Variants in ITGA6 observed in about 807,000 individuals in gnomAD.
ITGA6 encodes integrin subunit alpha 6.
A neutral mutation model predicts 133.6 loss-of-function variants in ITGA6; 63 were observed. That is an observed-to-expected ratio of 0.47 (90% CI 0.38 to 0.58). ITGA6 has a LOEUF of 0.58. Among genes scored for constraint, ITGA6 ranks in the 20% least tolerant of loss-of-function variants. The probability of loss-of-function intolerance (pLI) is 0.00; values close to 1 mark genes in which losing one functional copy is unlikely to be tolerated. For synonymous variants in ITGA6, 434 were observed against 482.0 expected, an observed-to-expected ratio of 0.90 and a Z score of 1.30; for missense variants, 1,068 against 1,309.4, an observed-to-expected ratio of 0.82 and a Z score of 2.85.
chr2:172,427,809 G>A lies in ITGA6; in HGVS notation c.21G>A (p.Leu7=). The change falls in exon 1 of 26, where the codon CTG becomes CTA. Residue 7 remains leucine (L), a synonymous_variant. Coordinates refer to ENST00000684293, the MANE Select transcript of ITGA6 (RefSeq NM_000210.4). The stretch of plus-strand genomic sequence containing the variant: ...CGCCCATGGCCGCCGCCGGGCAGCT[G>A]TGCTTGCTCTACCTGTCGGCGGGGC... The part of the protein sequence containing the change: MAAAGQ[L]CLLYLSAGLL... 1 of 1,601,176 alleles carries A rather than the reference G, an allele frequency of 6.2e-7. No homozygotes were observed. The highest frequency in any genetic ancestry group is 1.7e-4 in the Middle Eastern group (1 of 6,036).
chr2:172,453,352 C>T (rs1301260577), intron 1 of ITGA6, among the ~76,000 whole-genome samples: 1 of 151,986 alleles, frequency 6.6e-6, no homozygotes, highest in Non-Finnish European at 1.5e-5. Context: ...CACTGTAGAA[C>T]CCCGTCTCTA....
chr2:172,489,755 T>A, intron 20 of ITGA6, 97 bp downstream of exon 20: 1 of 1,112,860 alleles, frequency 9.0e-7, no homozygotes, highest in Non-Finnish European at 1.3e-6. Context: ...AAGTGGCATA[T>A]TCTGGCAGGT....
At chr2:172,499,539 T>G (rs570045918) in intron 24 of ITGA6, among the ~76,000 whole-genome samples, 49 of 152,076 alleles carry the variant, frequency 3.2e-4, no homozygotes, top group Middle Eastern at 6.8e-3. Context: ...TTAAATTTTT[T>G]TTCATAAAGG....
intron 4 of ITGA6, 87 bp from the exon 5 acceptor site, chr2:172,470,887 T>C: frequency 1.4e-6 from 2 of 1,396,320 alleles, no homozygotes; most frequent in Non-Finnish European, 2.0e-6. Flanking sequence ...TAACTAGTGA[T>C]AGCATGGGGG....
In ITGA6 at chr2:172,465,650, G is replaced by C. The variant is rs887884775; in HGVS notation, c.294G>C (p.Glu98Asp). The C allele has an allele frequency of 1.2e-6, 2 of 1,614,232 alleles. No individual in the cohort carries two copies. The highest frequency in any genetic ancestry group is 1.7e-6 in the Non-Finnish European group (2 of 1,180,028). Residue 98 changes from glutamate to aspartate, a missense_variant, in exon 2 of 26, where the codon GAG becomes GAC. Physicochemically the swap from Glu to Asp is conservative, Grantham distance 45. Around this residue, in one of 3 missense-constraint regions of ITGA6, gnomAD observed 142 missense variants for 145.3 expected, o/e 0.98. Coordinates refer to ENST00000684293, the MANE Select transcript of ITGA6 (RefSeq NM_000210.4). ...CCCGGGGGCCATGCACGCGGATCGAGTTTGATAACGATGGTGCGTTCCTTT... is the reference window on the plus strand; with the variant it reads ...CCCGGGGGCCATGCACGCGGATCGACTTTGATAACGATGGTGCGTTCCTTT... The part of the protein sequence containing the change: ...ITARGPCTRI[E>D]FDNDADPTSE...
At chr2:172,472,141 G>A (rs1046249011) in intron 5 of ITGA6, among the ~76,000 whole-genome samples, 3 of 152,180 alleles carry the variant, frequency 2.0e-5, no homozygotes, top group Non-Finnish European at 4.4e-5. Context: ...GGCCAATGCA[G>A]CAAAACCCCT....
At chr2:172,435,114 C>G (rs1684263054) in intron 1 of ITGA6, among the ~76,000 whole-genome samples, 1 of 151,644 alleles carries the variant, frequency 6.6e-6, no homozygotes, top group Non-Finnish European at 1.5e-5. Context: ...GTCACTGAAC[C>G]TAAGCCCTCC....
chr2:172,434,303 C>G (rs1247539985), intron 1 of ITGA6, among the ~76,000 whole-genome samples: 1 of 152,178 alleles, frequency 6.6e-6, no homozygotes. Flanking sequence ...TAGCCCTGAA[C>G]TGGGGCAGGT....
rs1685731621 is a variant in ITGA6, at chr2:172,467,520, G to C, written c.347G>C (p.Gly116Ala). The C allele has an allele frequency of 1.2e-6, 2 of 1,613,680 alleles. No homozygotes were observed. Among genetic ancestry groups the C allele is most frequent in the South Asian group, 2.2e-5 (2 of 91,074 alleles). The change falls in exon 3 of 26, where the codon GGG (glycine) becomes GCG (alanine). Residue 116 changes from glycine to alanine, a missense_variant. This residue lies in a region of ITGA6 where 317 missense variants were observed against 456.9 expected (regional missense o/e 0.69). Transcript: ENST00000684293. ...TSESKEDQWM[G>A]VTVQSQGPGG... The stretch of plus-strand genomic sequence containing the variant: ...GAAAGCAAGGAAGATCAGTGGATGG[G>C]GGTCACCGTCCAGAGCCAAGGTCCA...
intron 18 of ITGA6, 21 bp from the exon 19 acceptor site, chr2:172,488,105 T>G: frequency 6.2e-7 from 1 of 1,609,578 alleles, no homozygotes; most frequent in East Asian, 2.2e-5. Context: ...TCATTAAAAC[T>G]GGTGTTTTTT....
Position 172,491,164 on chromosome 2 carries a change from G to A in ITGA6, c.2778+42G>A. The A allele has an allele frequency of 7.2e-7, 1 of 1,398,458 alleles. No individual in the cohort carries two copies. The highest frequency in any genetic ancestry group is 1.0e-6 in the Non-Finnish European group (1 of 983,556). 86.6% of individuals were successfully genotyped at this position (1,398,458 alleles called of 1,614,324 possible). On this transcript the variant is annotated intron_variant, in intron 21 of 25. Coordinates refer to ENST00000684293, the MANE Select transcript of ITGA6 (RefSeq NM_000210.4). The surrounding 1 kb of genome is among the most constrained non-coding windows in gnomAD (Gnocchi z 4.4). ...AGCTGTGAATATTTGAGAGGATGAG[G>A]GGAAGGATTTCTTCAGAACAATGTC...
intron 5 of ITGA6, chr2:172,472,809 C>G: frequency 6.2e-7 from 1 of 1,612,516 alleles, no homozygotes; most frequent in Non-Finnish European, 8.5e-7. Flanking sequence ...CTATACAGAT[C>G]CTGATCAGTT....
chr2:172,451,259 GT>G (rs1684985754), intron 1 of ITGA6, among the ~76,000 whole-genome samples: 1 of 151,958 alleles, frequency 6.6e-6, no homozygotes, highest in Non-Finnish European at 1.5e-5. Context: ...GAGGTCAGGA[GT>G]TCAAGACAAG....
chr2:172,427,548 TC>T (rs1683892675), upstream of ITGA6: 1 of 1,181,890 alleles, frequency 8.5e-7, no homozygotes. Flanking sequence ...GCCGGCGTCC[TC>T]GTCACTTGAT....
chr2:172,496,226 CCT>C (rs1687122019), intron 23 of ITGA6, among the ~76,000 whole-genome samples: 1 of 152,184 alleles, frequency 6.6e-6, no homozygotes, highest in African/African-American at 2.4e-5. Flanking sequence ...TAATCTCTTC[CCT>C]GTCAGGGGAG....
chr2:172,433,614 A>C lies in ITGA6; in HGVS notation c.182+5644A>C, dbSNP rs912202882. Among the ~76,000 whole-genome samples, 8 of 152,210 alleles carry C rather than the reference A, an allele frequency of 5.3e-5. No homozygotes were observed. In the East Asian group the frequency reaches 1.2e-3, roughly 22 times the overall value. On this transcript the variant is annotated intron_variant, in intron 1 of 25. Coordinates refer to ENST00000684293, the MANE Select transcript of ITGA6 (RefSeq NM_000210.4). ...AGGAAACCAAGGCTGTAAGAGGTGCAGTGGTGGCGGCATGTCTAGCAAACT... is the reference window on the plus strand; with the variant it reads ...AGGAAACCAAGGCTGTAAGAGGTGCCGTGGTGGCGGCATGTCTAGCAAACT...
chr2:172,438,111 G>T (rs1684399383), intron 1 of ITGA6, among the ~76,000 whole-genome samples: 1 of 151,712 alleles, frequency 6.6e-6, no homozygotes, highest in African/African-American at 2.4e-5. Flanking sequence ...GGCAACAACT[G>T]TAAGGGGAAA....
chr2:172,494,507 C>T (rs185188208), intron 23 of ITGA6, among the ~76,000 whole-genome samples: 73 of 152,152 alleles, frequency 4.8e-4, no homozygotes, highest in African/African-American at 1.7e-3. Context: ...GGCCCTGTCT[C>T]AAAACAAACA....
intron 11 of ITGA6, 98 bp downstream of exon 11, chr2:172,480,149 G>C (rs16860527): frequency 2.0e-5 from 15 of 747,044 alleles, no homozygotes; most frequent in Non-Finnish European, 3.4e-5. Context: ...TGGCCAACAT[G>C]GGTCTGTCAA....
Sources: gnomAD v4.1 joint callset for allele counts (sites outside exome capture counted in the v4.1 genomes callset) on GRCh38, gnomAD v4.1.1 for gene constraint, gnomAD v4.1.1 regional missense constraint, Gnocchi (gnomAD v3.1) non-coding constraint, MANE v1.5 for transcripts, NCBI Gene and HGNC (gene_info 2026-07-23, HGNC 2026-07-21) for gene names.